The following NMU variants were observed in gnomAD, a reference collection of about 807,000 sequenced individuals.
NMU encodes neuromedin-U.
In NMU, 29 loss-of-function variants were observed where a neutral mutation model predicts 35.4. That is an observed-to-expected ratio of 0.82 (90% CI 0.61 to 1.12). NMU has a LOEUF of 1.12. Ranked by LOEUF, NMU falls within the 50% of genes most tolerant of loss-of-function variation. NMU has a pLI of 0.00. For synonymous variants in NMU, 78 were observed against 81.3 expected (o/e 0.96, Z 0.22); for missense variants, 199 against 206.2 (o/e 0.97, Z 0.21).
At chr4:55,613,609 C>G (rs899364743) in intron 3 of NMU, among the ~76,000 whole-genome samples, 2 of 151,888 alleles carry the variant, frequency 1.3e-5, no homozygotes, top group African/African-American at 4.8e-5. Context: ...TGAATCACGC[C>G]CCCCTGTATC....
At chr4:55,613,157 T>C (rs1193947155) in intron 3 of NMU, among the ~76,000 whole-genome samples, 2 of 151,770 alleles carry the variant, frequency 1.3e-5, no homozygotes, top group African/African-American at 2.4e-5. Flanking sequence ...TACTTGAGAG[T>C]AGAGGGTGGA....
intron 6 of NMU, 132 bp from the exon 7 acceptor site, chr4:55,605,481 C>A: frequency 1.3e-6 from 1 of 742,134 alleles, no homozygotes; most frequent in Non-Finnish European, 2.5e-6. Context: ...AAAGATGTCA[C>A]CTAAAACAGG....
Position 55,605,335 on chromosome 4 carries a change from A to T in NMU, c.375T>A (p.His125Gln). 6.8e-6 allele frequency: 11 copies of T among 1,613,446 alleles called. No individual in the cohort carries two copies. The highest frequency in any genetic ancestry group is 9.3e-6 in the Non-Finnish European group (11 of 1,179,340). The change falls in exon 7 of 10, where the codon CAT (histidine) becomes CAA (glutamine). Residue 125 changes from histidine to glutamine, a missense_variant. Coordinates refer to ENST00000264218, the MANE Select transcript of NMU (RefSeq NM_006681.4). ...GGTGAGGAACGAGCTGCAGCAACGG[A>T]TGCACAACTGACGACTGAGAGGACA... Reference protein sequence around the residue: ...GKSNVVSSVVHPLLQLVPHLH... With the variant: ...GKSNVVSSVVQPLLQLVPHLH...
At chr4:55,605,684 C>T (rs1733654775) in intron 6 of NMU, among the ~76,000 whole-genome samples, 2 of 152,218 alleles carry the variant, frequency 1.3e-5, no homozygotes, top group African/African-American at 4.8e-5. Flanking sequence ...CTGTCTGTTA[C>T]TAGACTTACT....
chr4:55,602,854 G>A (rs189898271), intron 7 of NMU, among the ~76,000 whole-genome samples: 2 of 152,180 alleles, frequency 1.3e-5, no homozygotes, highest in Admixed American at 1.3e-4. Flanking sequence ...GGAAATACTG[G>A]CCATAAAAAT....
chr4:55,605,164 T>C (rs999465593), intron 7 of NMU, 111 bp downstream of exon 7: 22 of 800,490 alleles, frequency 2.7e-5, no homozygotes, highest in Admixed American at 2.7e-4. Context: ...TGGGTATTAG[T>C]GTGGGCTTAT....
rs143044766 is a variant in NMU, at chr4:55,609,149, T to C, written c.250A>G (p.Met84Val). 2.5e-6 allele frequency: 4 copies of C among 1,613,518 alleles called. No homozygotes were observed. In the African/African-American group the frequency reaches 5.3e-5, roughly 22 times the overall value. Residue 84 changes from methionine to valine, a missense_variant, in exon 4 of 10, where the codon ATG becomes GTG. Met to Val is a conservative substitution (Grantham distance 21). Transcript: ENST00000264218. ...ASNALEELCF[M>V]IMGMLPKPQE... ...GGCTTTGGTAGCATTCCCATAATCA[T>C]AAAGCAAAGCTCCTCCAGTGCGTTG...
upstream of NMU, chr4:55,636,589 GC>G (rs1715941127): frequency 6.0e-6 from 1 of 165,424 alleles, no homozygotes; most frequent in Non-Finnish European, 1.3e-5. The surrounding 1 kb of genome is among the most constrained non-coding windows in gnomAD (Gnocchi z 4.0). Context: ...GGCAAACCAG[GC>G]CGTCTGAGTT....
At chr4:55,606,779 G>A (rs1009812994) in intron 6 of NMU, among the ~76,000 whole-genome samples, 15 of 151,422 alleles carry the variant, frequency 9.9e-5, no homozygotes, top group African/African-American at 3.6e-4. Flanking sequence ...CTGGGTACAA[G>A]CAATTCTCTT....
chr4:55,618,680 TTCTC>T (rs141124691), intron 2 of NMU, among the ~76,000 whole-genome samples: 4,493 of 145,234 alleles, frequency 0.031, 228 homozygotes, highest in African/African-American at 0.11. Flanking sequence ...TCTTCCTTTC[TTCTC>T]TCTTTCTTCT....
chr4:55,610,550 T>C (rs1733892791), intron 3 of NMU, among the ~76,000 whole-genome samples: 1 of 152,028 alleles, frequency 6.6e-6, no homozygotes, highest in South Asian at 2.1e-4. Context: ...CAACAGTACA[T>C]GCTTGACATG....
At chr4:55,636,393 C>G, upstream of NMU, 1 of 748,892 alleles carries the variant, frequency 1.3e-6, no homozygotes, top group Non-Finnish European at 1.9e-6. This position sits in a 1 kb window ranked among gnomAD's most constrained non-coding sequence, Gnocchi z 4.0. Flanking sequence ...CTGCCGCCCC[C>G]GGCCTACCTC....
chr4:55,599,105 T>C, intron 9 of NMU, 37 bp downstream of exon 9: 1 of 1,402,962 alleles, frequency 7.1e-7, no homozygotes, highest in Non-Finnish European at 1.0e-6. Flanking sequence ...ATGCATACTA[T>C]TTTATTTATT....
chr4:55,632,543 AT>A (rs1454381512), intron 1 of NMU, among the ~76,000 whole-genome samples: 1 of 152,022 alleles, frequency 6.6e-6, no homozygotes, highest in Non-Finnish European at 1.5e-5. Flanking sequence ...TCAATTATAT[AT>A]TTCTCACCCT....
chr4:55,625,052 AG>A (rs1734463920), intron 2 of NMU, among the ~76,000 whole-genome samples: 1 of 106,104 alleles, frequency 9.4e-6, no homozygotes, highest in Non-Finnish European at 1.9e-5. Context: ...TAGCATTGGG[AG>A]ATATACCTAA....
In NMU at chr4:55,616,368, C is replaced by T. The variant is rs201004310; in HGVS notation, c.189G>A (p.Ser63=). ...QLWNEIDDTC[S]SFLSIDSQPQ... Reference sequence around the variant, plus strand: ...GCTGAGAATCAATGGACAGAAAAGACGAACAAGTATCATCTATCTGTAGAA... The same window carrying T: ...GCTGAGAATCAATGGACAGAAAAGATGAACAAGTATCATCTATCTGTAGAA... Residue 63 remains serine (S), a synonymous_variant, in exon 3 of 10, where the codon TCG becomes TCA. Transcript: ENST00000264218. The T allele has an allele frequency of 3.8e-5, 61 of 1,611,732 alleles. No individual in the cohort carries two copies. The highest frequency in any genetic ancestry group is 3.3e-4 in the Middle Eastern group (2 of 6,078).
In NMU at chr4:55,595,240, A is replaced by AT. The variant is rs977315814; in HGVS notation, c.*175dup. ...AAACACTAAGCAAAAATATTTTTAG[A>AT]TTTTTTAATTTTCAACAAATTGAAC... On this transcript the variant is annotated 3_prime_UTR_variant, in exon 10 of 10. Coordinates refer to ENST00000264218, the MANE Select transcript of NMU (RefSeq NM_006681.4). 6.6e-6 allele frequency: 1 copy of AT among 152,506 alleles called. No individual in the cohort carries two copies. Among genetic ancestry groups the AT allele is most frequent in the Admixed American group, 6.6e-5 (1 of 15,256 alleles). 9.4% of individuals were successfully genotyped at this position (152,506 alleles called of 1,614,324 possible). A position where few individuals can be genotyped will look rare whatever the true frequency, so the allele number is the denominator to read the frequency against.
intron 1 of NMU, among the ~76,000 whole-genome samples, chr4:55,631,919 C>T (rs972802179): frequency 2.0e-5 from 3 of 152,194 alleles, no homozygotes; most frequent in South Asian, 2.1e-4. Flanking sequence ...AACCTAAGTG[C>T]CTATTGACCA....
At chr4:55,601,494 A>G (rs953135137) in intron 7 of NMU, among the ~76,000 whole-genome samples, 1 of 152,092 alleles carries the variant, frequency 6.6e-6, no homozygotes, top group South Asian at 2.1e-4. Flanking sequence ...CATCTTTACT[A>G]TAACTCCCCA....
Sources: allele counts gnomAD v4.1 joint callset (sites outside exome capture counted in the v4.1 genomes callset), GRCh38; gene constraint gnomAD v4.1.1; non-coding constraint Gnocchi (gnomAD v3.1); transcripts MANE v1.5; gene names NCBI Gene and HGNC (gene_info 2026-07-23, HGNC 2026-07-21).